The following AMN1 variants were observed in gnomAD, a reference collection of about 807,000 sequenced individuals.
The protein encoded by AMN1 is protein AMN1 homolog.
AMN1 carries 20 observed loss-of-function variants against 33.0 expected under a neutral mutation model. The ratio of observed to expected loss-of-function variants is 0.61; its 90% CI spans 0.43 to 0.88. The LOEUF (loss-of-function observed/expected upper bound fraction) is 0.88. Among genes scored for constraint, AMN1 ranks in the 40% least tolerant of loss-of-function variants. AMN1 has a pLI of 0.00. For missense variants in AMN1, 246 were observed against 307.4 expected, an observed-to-expected ratio of 0.80 and a Z score of 1.49; for synonymous variants, 114 against 111.9, an observed-to-expected ratio of 1.02 and a Z score of -0.12.
intron 3 of AMN1, among the ~76,000 whole-genome samples, chr12:31,698,384 G>C (rs1209575658): frequency 6.6e-6 from 1 of 152,192 alleles, no homozygotes; most frequent in African/African-American, 2.4e-5. Flanking sequence ...TGATCTTCAT[G>C]CTTGCGGTTA....
chr12:31,676,832 G>A (rs77815647), intron 6 of AMN1, among the ~76,000 whole-genome samples: 153 of 151,842 alleles, frequency 1.0e-3, no homozygotes, highest in African/African-American at 3.5e-3. Context: ...AATTTTTGAT[G>A]CCAGATGGCA....
rs138845771 is a variant in AMN1 at position 31,693,832 on chromosome 12, G to A, written c.591+3529C>T. On this transcript the variant is annotated intron_variant, in intron 5 of 6. Coordinates refer to ENST00000281471, the MANE Select transcript of AMN1 (RefSeq NM_001113402.2). ...GCTGGGATTACAGGTGTGAGCCACC[G>A]CACCCAGCCTGTATTTTTCATAGAG... 9.2e-3 allele frequency among the ~76,000 whole-genome samples: 1,379 copies of A among 149,912 alleles called. 21 individuals carry two copies. Among genetic ancestry groups the A allele is most frequent in the African/African-American group, 0.032 (1,312 of 40,814 alleles).
chr12:31,726,714 T>C (rs377532644), intron 1 of AMN1, among the ~76,000 whole-genome samples: 1 of 152,290 alleles, frequency 6.6e-6, no homozygotes, highest in South Asian at 2.1e-4. Context: ...AAACCAGAAA[T>C]AGCTTGCTGA....
chr12:31,674,636 T>C (rs1377747265), intron 6 of AMN1, among the ~76,000 whole-genome samples: 1 of 152,172 alleles, frequency 6.6e-6, no homozygotes, highest in Admixed American at 6.6e-5. Context: ...TGGATATCAT[T>C]GGGTGGGTGA....
At chr12:31,688,671 C>CA (rs1310491073) in intron 6 of AMN1, among the ~76,000 whole-genome samples, 1 of 152,082 alleles carries the variant, frequency 6.6e-6, no homozygotes, top group Non-Finnish European at 1.5e-5. Context: ...ATTAGCCTGG[C>CA]ATGGTGGCGT....
At chr12:31,692,028 C>G (rs2139677578) in intron 5 of AMN1, among the ~76,000 whole-genome samples, 1 of 152,032 alleles carries the variant, frequency 6.6e-6, no homozygotes, top group South Asian at 2.1e-4. Context: ...CAGGCATGTG[C>G]AAATATGCCT....
chr12:31,689,452 T>C (rs1378392942), intron 5 of AMN1, among the ~76,000 whole-genome samples: 1 of 152,210 alleles, frequency 6.6e-6, no homozygotes, highest in East Asian at 1.9e-4. Flanking sequence ...GCAGTATTAC[T>C]TGTAATAGTA....
In AMN1 at chr12:31,722,885, G is replaced by C. The variant is rs771826286; in HGVS notation, c.38+6086C>G. Reference sequence around the variant, plus strand: ...AGAAATCAAGTTTTACGCCTGGCACGGTGGCTCACACCTGTAATCCCAGAA... The same window carrying C: ...AGAAATCAAGTTTTACGCCTGGCACCGTGGCTCACACCTGTAATCCCAGAA... On this transcript the variant is annotated intron_variant, in intron 1 of 6. Coordinates refer to ENST00000281471, the MANE Select transcript of AMN1 (RefSeq NM_001113402.2). Among the ~76,000 whole-genome samples, 4 of 152,082 alleles carry C rather than the reference G, an allele frequency of 2.6e-5. No individual in the cohort carries two copies. In the South Asian group the frequency reaches 8.3e-4, roughly 32 times the overall value.
At chr12:31,716,377 G>A (rs1939677269) in intron 1 of AMN1, among the ~76,000 whole-genome samples, 1 of 152,118 alleles carries the variant, frequency 6.6e-6, no homozygotes. Flanking sequence ...TATATATCTA[G>A]TAGTGGAACT....
intron 6 of AMN1, among the ~76,000 whole-genome samples, chr12:31,678,562 A>G (rs1345889437): frequency 6.6e-6 from 1 of 152,028 alleles, no homozygotes; most frequent in Non-Finnish European, 1.5e-5. Context: ...ACACCCGGCT[A>G]ATTTTTGTAT....
chr12:31,676,741 T>G (rs900872039), intron 6 of AMN1, among the ~76,000 whole-genome samples: 2 of 151,878 alleles, frequency 1.3e-5, no homozygotes, highest in African/African-American at 4.9e-5. Flanking sequence ...GTCACTATTC[T>G]GTTTTGAATT....
intron 5 of AMN1, among the ~76,000 whole-genome samples, chr12:31,694,564 A>G (rs1646442881): frequency 6.6e-6 from 1 of 152,088 alleles, no homozygotes; most frequent in Admixed American, 6.6e-5. Flanking sequence ...CCTGGGCAAC[A>G]TGGCAAGACC....
intron 5 of AMN1, 77 bp from the exon 6 acceptor site, chr12:31,689,195 TTC>T (rs1425553169): frequency 2.0e-6 from 2 of 988,860 alleles, no homozygotes; most frequent in Non-Finnish European, 3.0e-6. Context: ...TTGAGAAACA[TTC>T]TGATACAAAA....
chr12:31,716,344 C>T (rs182785165), intron 1 of AMN1, among the ~76,000 whole-genome samples: 10 of 152,124 alleles, frequency 6.6e-5, no homozygotes, highest in African/African-American at 2.2e-4. Flanking sequence ...TTGGTACACA[C>T]GTATCTGTGT....
intron 6 of AMN1, among the ~76,000 whole-genome samples, chr12:31,680,612 T>G (rs1175108033): frequency 6.6e-6 from 1 of 152,212 alleles, no homozygotes; most frequent in Non-Finnish European, 1.5e-5. Context: ...TGTGAAGTTA[T>G]GTTTTATTCT....
chr12:31,726,423 A>C (rs751100508), intron 1 of AMN1, among the ~76,000 whole-genome samples: 1 of 152,164 alleles, frequency 6.6e-6, no homozygotes, highest in Non-Finnish European at 1.5e-5. Flanking sequence ...AGCCTTCCAA[A>C]GTGCTGGGGT....
At chr12:31,715,695 C>G (rs1939646917) in intron 1 of AMN1, 1 of 158,508 alleles carries the variant, frequency 6.3e-6, no homozygotes, top group African/African-American at 2.4e-5. Context: ...GGGATGGATT[C>G]TTTTGATGGT....
At chr12:31,717,878 A>C (rs2139724457) in intron 1 of AMN1, among the ~76,000 whole-genome samples, 1 of 151,728 alleles carries the variant, frequency 6.6e-6, no homozygotes, top group Non-Finnish European at 1.5e-5. Context: ...CCTTGTCCCC[A>C]ACCCCCCGAC....
intron 6 of AMN1, among the ~76,000 whole-genome samples, chr12:31,680,357 C>T (rs923504748): frequency 1.3e-5 from 2 of 151,806 alleles, no homozygotes; most frequent in African/African-American, 2.4e-5. Context: ...CCCGTCACCA[C>T]GCCCGACTCA....
Sources: allele counts gnomAD v4.1 joint callset (sites outside exome capture counted in the v4.1 genomes callset), GRCh38; gene constraint gnomAD v4.1.1; transcripts MANE v1.5; gene names NCBI Gene and HGNC (gene_info 2026-07-23, HGNC 2026-07-21).